The following PPARGC1A variants were observed in gnomAD, a reference collection of about 807,000 sequenced individuals.
PPARGC1A encodes the protein peroxisome proliferator-activated receptor gamma coactivator 1-alpha.
A neutral mutation model predicts 88.7 loss-of-function variants in PPARGC1A; 25 were observed. The ratio of observed to expected loss-of-function variants is 0.28; its 90% CI spans 0.21 to 0.39. PPARGC1A has a LOEUF of 0.39. Among genes scored for constraint, PPARGC1A ranks in the 10% least tolerant of loss-of-function variants. The pLI is 1.00. For synonymous variants in PPARGC1A, 363 were observed against 355.6 expected, an observed-to-expected ratio of 1.02 and a Z score of -0.24; for missense variants, 880 against 968.7, an observed-to-expected ratio of 0.91 and a Z score of 1.22.
At chr4:23,901,235 T>C (rs960432553), upstream of PPARGC1A, among the ~76,000 whole-genome samples, 1 of 151,948 alleles carries the variant, frequency 6.6e-6, no homozygotes, top group Non-Finnish European at 1.5e-5. Context: ...CCAGGCGTGG[T>C]GGCAGGCACC....
At chr4:24,158,913 C>A in the PPARGC1A span, among the ~76,000 whole-genome samples, 15 of 152,064 alleles carry the variant, frequency 9.9e-5, no homozygotes, top group Non-Finnish European at 1.8e-4. Context: ...TAAAATATAC[C>A]TTTTCCTACA....
chr4:24,452,884 G>T, the PPARGC1A span, among the ~76,000 whole-genome samples: 1 of 152,172 alleles, frequency 6.6e-6, no homozygotes, highest in African/African-American at 2.4e-5. Context: ...AATGACGGGG[G>T]TGTAAGGAGG....
At chr4:24,289,219 C>CAA in the PPARGC1A span, among the ~76,000 whole-genome samples, 944 of 82,296 alleles carry the variant, frequency 0.011, 47 homozygotes, top group African/African-American at 0.031. Flanking sequence ...GACTCCGTCT[C>CAA]AAAAAAAAAA....
At chr4:24,460,389 C>CT in the PPARGC1A span, among the ~76,000 whole-genome samples, 6 of 152,156 alleles carry the variant, frequency 3.9e-5, no homozygotes, top group African/African-American at 1.4e-4. Flanking sequence ...AAAACATCAT[C>CT]ATACTTGATT....
At chr4:24,097,760 C>G in the PPARGC1A span, among the ~76,000 whole-genome samples, 1 of 152,284 alleles carries the variant, frequency 6.6e-6, no homozygotes, top group South Asian at 2.1e-4. Context: ...AAATAGAGTA[C>G]TGGCTTCCAG....
the PPARGC1A span, among the ~76,000 whole-genome samples, chr4:24,462,763 T>C: frequency 3.3e-5 from 5 of 150,772 alleles, no homozygotes; most frequent in African/African-American, 1.2e-4. Context: ...CCGGGCGGTC[T>C]GCTCAGCTGT....
the PPARGC1A span, among the ~76,000 whole-genome samples, chr4:24,180,088 T>C: frequency 7.2e-5 from 11 of 152,210 alleles, no homozygotes; most frequent in African/African-American, 2.2e-4. Context: ...TGACTACATG[T>C]TGAATTTGAG....
the PPARGC1A span, among the ~76,000 whole-genome samples, chr4:24,175,372 TTCG>T: frequency 2.1e-5 from 3 of 144,688 alleles, no homozygotes; most frequent in African/African-American, 5.3e-5. Flanking sequence ...TTCTCTTTGT[TTCG>T]TTTTTTTTTT....
At chr4:24,276,783 C>A in the PPARGC1A span, among the ~76,000 whole-genome samples, 1 of 152,140 alleles carries the variant, frequency 6.6e-6, no homozygotes, top group Non-Finnish European at 1.5e-5. Flanking sequence ...TGAAGCCCTG[C>A]AGAAATTAAA....
the PPARGC1A span, among the ~76,000 whole-genome samples, chr4:24,437,133 C>G: frequency 1.3e-5 from 2 of 152,174 alleles, no homozygotes; most frequent in Non-Finnish European, 2.9e-5. Flanking sequence ...TAAGCAAATA[C>G]GCATGGCAAT....
the PPARGC1A span, among the ~76,000 whole-genome samples, chr4:24,405,816 A>T: frequency 5.9e-5 from 9 of 152,262 alleles, no homozygotes; most frequent in African/African-American, 1.9e-4. Flanking sequence ...TCTTAGGGTT[A>T]TTATAAGGCT....
At chr4:24,393,039 ACACACACACC>A in the PPARGC1A span, among the ~76,000 whole-genome samples, 2 of 118,254 alleles carry the variant, frequency 1.7e-5, no homozygotes, top group East Asian at 2.8e-4. Flanking sequence ...ACACACACAC[ACACACACACC>A]CCTTTTTCTG....
chr4:24,349,116 A>G, the PPARGC1A span, among the ~76,000 whole-genome samples: 1 of 152,124 alleles, frequency 6.6e-6, no homozygotes, highest in Non-Finnish European at 1.5e-5. Flanking sequence ...CCAGGCTGGT[A>G]CTGGGGGTTG....
chr4:23,905,009 C>A (rs1165366802), upstream of PPARGC1A, among the ~76,000 whole-genome samples: 3 of 152,188 alleles, frequency 2.0e-5, no homozygotes, highest in Non-Finnish European at 4.4e-5. Context: ...CAAACTAGTT[C>A]TCCCTCGCAG....
the PPARGC1A span, among the ~76,000 whole-genome samples, chr4:24,254,675 A>G: frequency 1.4e-4 from 21 of 152,230 alleles, no homozygotes; most frequent in Non-Finnish European, 2.4e-4. Context: ...GACGTGAAAG[A>G]AGGATCCTGG....
the PPARGC1A span, among the ~76,000 whole-genome samples, chr4:24,124,108 G>A: frequency 2.0e-5 from 3 of 151,984 alleles, no homozygotes; most frequent in African/African-American, 4.8e-5. Context: ...AAATGGCTGT[G>A]AATACCACCT....
intron 1 of PPARGC1A, chr4:23,889,460 C>T (rs1717469637): frequency 1.3e-6 from 1 of 762,612 alleles, no homozygotes; most frequent in Non-Finnish European, 1.6e-6. Flanking sequence ...GGGAAAAATC[C>T]GGACTAGAGT....
chr4:24,353,717 C>A, the PPARGC1A span, among the ~76,000 whole-genome samples: 3 of 152,158 alleles, frequency 2.0e-5, no homozygotes, highest in Non-Finnish European at 2.9e-5. Flanking sequence ...TCATTAATTT[C>A]TTCTTGGTTC....
intron 2 of PPARGC1A, among the ~76,000 whole-genome samples, chr4:23,882,475 G>A (rs1716135209): frequency 6.6e-6 from 1 of 152,120 alleles, no homozygotes; most frequent in Non-Finnish European, 1.5e-5. Flanking sequence ...GCTGTTGGAT[G>A]TTTAGCAGCA....
Sources: gnomAD v4.1 joint callset for allele counts (sites outside exome capture counted in the v4.1 genomes callset) on GRCh38, gnomAD v4.1.1 for gene constraint, MANE v1.5 for transcripts, NCBI Gene and HGNC (gene_info 2026-07-23, HGNC 2026-07-21) for gene names.